Variants in CAPN10 observed in about 807,000 individuals in gnomAD.
CAPN10 encodes calpain-10.
A neutral mutation model predicts 78.4 loss-of-function variants in CAPN10; 71 were observed. The ratio of observed to expected loss-of-function variants is 0.91; its 90% CI spans 0.75 to 1.10. The LOEUF is 1.10. Ranked by LOEUF, CAPN10 falls within the 50% of genes least tolerant of loss-of-function variation. The pLI, the probability that CAPN10 is intolerant of heterozygous loss-of-function variation, is 0.00. For missense variants in CAPN10, 849 were observed against 924.6 expected (o/e 0.92, Z 1.06); for synonymous variants, 437 against 407.2 (o/e 1.07, Z -0.88).
At position 240,597,070 on chromosome 2, in the gene CAPN10, G is replaced by T. The variant is rs924719978; in HGVS notation, c.1743+128G>T. On this transcript the variant is annotated intron_variant, in intron 9 of 11. Transcript: ENST00000391984. ...TTGGGCTCCCCCTGCCCTTCGAGGC[G>T]CTGCCTAGAACCCGCACAGGGCCCT... 4 of 1,179,844 alleles carry T rather than the reference G, an allele frequency of 3.4e-6. No individual in the cohort carries two copies. In the Admixed American group the frequency reaches 8.1e-5, roughly 24 times the overall value. The allele number at this position is 1,179,844 out of a possible 1,614,324, so 73.1% of individuals were successfully genotyped here. A position where few individuals can be genotyped will look rare whatever the true frequency, so the allele number is the denominator to read the frequency against.
intron 4 of CAPN10, 152 bp from the exon 5 acceptor site, chr2:240,593,754 C>T: frequency 1.2e-6 from 1 of 846,356 alleles, no homozygotes; most frequent in Non-Finnish European, 1.8e-6. Context: ...GAAAGGAGCT[C>T]TCGTGGTCCA....
At position 240,596,508 on chromosome 2, in the gene CAPN10, C is replaced by T. The variant is rs1410643847; in HGVS notation, c.1468C>T (p.Arg490Ter). 3.7e-6 allele frequency: 6 copies of T among 1,608,124 alleles called. No individual in the cohort carries two copies. The highest frequency in any genetic ancestry group is 2.2e-5 in the East Asian group (1 of 44,704). ...EFLLRVFSTGRVSLSAIRAVA... is the reference protein window; with the variant it reads ...EFLLRVFSTG ...CCTGCTCCGAGTCTTCTCTACCGGG[C>T]GAGTCTCCCTTAGGTGAGAGGAACC... Residue 490 changes from arginine to a stop codon, truncating the protein, a stop_gained, in exon 8 of 12, where the codon CGA (arginine) becomes TGA (stop). Transcript: ENST00000391984. LOFTEE classifies it high-confidence loss of function.
rs200200867 is a variant in CAPN10 at position 240,597,968 on chromosome 2, C to T, written c.1824C>T (p.Tyr608=). 56 of 1,613,038 alleles carry T rather than the reference C, an allele frequency of 3.5e-5. No homozygotes were observed. Among genetic ancestry groups the T allele is most frequent in the South Asian group, 1.4e-4 (13 of 91,070 alleles). Residue 608 remains tyrosine, a synonymous_variant, in exon 10 of 12, where the codon TAC becomes TAT. Transcript: ENST00000391984. The part of the protein sequence containing the change: ...EPLLSCVPHR[Y]AQEVSRLCLL... ...TGCTGAGCTGCGTGCCACATCGCTA[C>T]GCCCAGGAGGTGAGCCGGCTCTGCC... is the stretch of plus-strand genomic sequence containing the variant.
chr2:240,587,359 C>G (rs1293752404), intron 1 of CAPN10, among the ~76,000 whole-genome samples: 1 of 152,248 alleles, frequency 6.6e-6, no homozygotes, highest in Admixed American at 6.5e-5. Flanking sequence ...CCCGCCCCAC[C>G]TGTTTGCTTT....
rs1298167787 is a variant in CAPN10 at position 240,592,080 on chromosome 2, G to A, written c.618G>A (p.Arg206=). 1 of 1,603,044 alleles carries A rather than the reference G, an allele frequency of 6.2e-7. No homozygotes were observed. The change falls in exon 4 of 12, where the codon AGG becomes AGA. Residue 206 remains arginine (R), a synonymous_variant. Transcript: ENST00000391984. ...QQDRPGRWEH[R]TCRQLLHLKD... ...ACAGGCCAGGCCGCTGGGAGCACAG[G>A]ACTTGTCGGCAGCTGCTCCACCTGA...
chr2:240,591,312 C>T, intron 3 of CAPN10: 1 of 357,762 alleles, frequency 2.8e-6, no homozygotes. Flanking sequence ...AAGAAAGATG[C>T]TTCTTTATAT....
chr2:240,594,616 T>C lies in CAPN10; in HGVS notation c.904T>C (p.Trp302Arg). The change falls in exon 6 of 12, where the codon TGG (tryptophan) becomes CGG (arginine). Residue 302 changes from tryptophan (W) to arginine (R), a missense_variant. By Grantham distance (101) the Trp-to-Arg change is moderately radical. Transcript: ENST00000391984. ...LLSQLQEGEF[W>R]VEEEEFLREF... The stretch of plus-strand genomic sequence containing the variant: ...GTCCCAGCTCCAGGAAGGGGAGTTC[T>C]GGGTGGAGGAGGAGGAGTTCCTCAG... 6.2e-7 allele frequency: 1 copy of C among 1,613,952 alleles called. No homozygotes were observed. The highest frequency in any genetic ancestry group is 2.2e-5 in the East Asian group (1 of 44,880).
chr2:240,590,956 C>G lies in CAPN10; in HGVS notation c.415C>G (p.Arg139Gly), dbSNP rs151024127. 3.8e-5 allele frequency: 61 copies of G among 1,614,226 alleles called. No individual in the cohort carries two copies. Among genetic ancestry groups the G allele is most frequent in the Non-Finnish European group, 5.0e-5 (59 of 1,180,044 alleles). Reference protein sequence around the residue: ...PCLAGRLCFSRCQREDVFWLP... With the variant: ...PCLAGRLCFSGCQREDVFWLP... Reference sequence around the variant, plus strand: ...CCTTGCAGGGAGACTCTGTTTCTCCCGCTGCCAGAGGGAGGATGTGTTCTG... The same window carrying G: ...CCTTGCAGGGAGACTCTGTTTCTCCGGCTGCCAGAGGGAGGATGTGTTCTG... Residue 139 changes from arginine to glycine, a missense_variant, in exon 3 of 12, where the codon CGC becomes GGC. By Grantham distance (125) the Arg-to-Gly change is moderately radical. Coordinates refer to ENST00000391984, the MANE Select transcript of CAPN10 (RefSeq NM_023083.4).
chr2:240,598,075 C>G lies in CAPN10; in HGVS notation c.1931C>G (p.Thr644Ser). 6.2e-7 allele frequency: 1 copy of G among 1,607,990 alleles called. No homozygotes were observed. The highest frequency in any genetic ancestry group is 8.5e-7 in the Non-Finnish European group (1 of 1,175,818). Residue 644 changes from threonine (T) to serine (S), a missense_variant, in exon 10 of 12, where the codon ACC becomes AGC. Thr to Ser is a moderately conservative substitution (Grantham distance 58). Coordinates refer to ENST00000391984, the MANE Select transcript of CAPN10 (RefSeq NM_023083.4). ...GGGGCCTTCACAGTGACCATCGCAACCAGGATTGACAGGTGGGGCTCTGGG... is the reference window on the plus strand; with the variant it reads ...GGGGCCTTCACAGTGACCATCGCAAGCAGGATTGACAGGTGGGGCTCTGGG... ...TEGAFTVTIA[T>S]RIDRPSIHSQ...
Position 240,586,918 on chromosome 2 carries a change from GC to G in CAPN10, c.8del (p.Ala3GlyfsTer63). ...GGAGCCCGCGGAGCCGAGGATGCGG[GC>G]GGGCCGGGGCGCGACGCCGGCGAGG... MR[A>X]GRGATPAREL... On this transcript the variant is annotated frameshift_variant, in exon 1 of 12. Coordinates refer to ENST00000391984, the MANE Select transcript of CAPN10 (RefSeq NM_023083.4). LOFTEE classifies it high-confidence loss of function. 7.0e-7 allele frequency: 1 copy of G among 1,429,368 alleles called. No individual in the cohort carries two copies. The highest frequency in any genetic ancestry group is 9.1e-7 in the Non-Finnish European group (1 of 1,093,724). 88.5% of individuals were successfully genotyped at this position (1,429,368 alleles called of 1,614,324 possible).
chr2:240,594,647 TTGACG>T lies in CAPN10; in HGVS notation c.936_940del (p.Phe312LeufsTer63). ...GAGGAGGAGGAGTTCCTCAGGGAGTTTGACGAGCTCACCGTTGGCTACCCGGTCAC... is the reference window on the plus strand; with the variant it reads ...GAGGAGGAGGAGTTCCTCAGGGAGTTAGCTCACCGTTGGCTACCCGGTCAC... On this transcript the variant is annotated frameshift_variant, in exon 6 of 12. Coordinates refer to ENST00000391984, the MANE Select transcript of CAPN10 (RefSeq NM_023083.4). LOFTEE classifies it high-confidence loss of function. The T allele has an allele frequency of 6.2e-7, 1 of 1,613,846 alleles. No homozygotes were observed. The highest frequency in any genetic ancestry group is 2.2e-5 in the East Asian group (1 of 44,872).
chr2:240,597,782 G>A, intron 9 of CAPN10, 106 bp from the exon 10 acceptor site: 1 of 968,742 alleles, frequency 1.0e-6, no homozygotes, highest in South Asian at 1.6e-5. Context: ...TCAGAGAAGG[G>A]GCTGTATGTG....
In CAPN10 at chr2:240,586,922, G is replaced by A. The variant is rs1325306857; in HGVS notation, c.11G>A (p.Gly4Asp). 6.9e-7 allele frequency: 1 copy of A among 1,441,318 alleles called. No individual in the cohort carries two copies. The highest frequency in any genetic ancestry group is 1.5e-5 in the African/African-American group (1 of 67,562). The allele number at this position is 1,441,318 out of a possible 1,614,324, so 89.3% of individuals were successfully genotyped here. ...CCCGCGGAGCCGAGGATGCGGGCGG[G>A]CCGGGGCGCGACGCCGGCGAGGGAG... Reference protein sequence around the residue: MRAGRGATPARELF... With the variant: MRADRGATPARELF... The change falls in exon 1 of 12, where the codon GGC becomes GAC. Residue 4 changes from glycine to aspartate, a missense_variant. Transcript: ENST00000391984.
chr2:240,591,098 C>A, intron 3 of CAPN10, 87 bp downstream of exon 3: 2 of 1,268,760 alleles, frequency 1.6e-6, no homozygotes, highest in South Asian at 1.4e-5. Flanking sequence ...TCTCTGCTCA[C>A]TCTGGGCTGC....
chr2:240,591,104 G>GCT, intron 3 of CAPN10, 93 bp downstream of exon 3: 1 of 1,170,824 alleles, frequency 8.5e-7, no homozygotes, highest in Non-Finnish European at 1.2e-6. Context: ...CTCACTCTGG[G>GCT]CTGCAGAGCC....
At chr2:240,589,265 A>G (rs2093086287) in intron 1 of CAPN10, 78 bp from the exon 2 acceptor site, 6 of 1,593,350 alleles carry the variant, frequency 3.8e-6, no homozygotes, top group Admixed American at 1.7e-5. Flanking sequence ...AACTCCTGTC[A>G]TCTAGAGCCT....
In CAPN10 at chr2:240,598,229, C is replaced by G. The variant is rs1448846703; in HGVS notation, c.1944-123C>G. On this transcript the variant is annotated intron_variant, in intron 10 of 11. Transcript: ENST00000391984. ...GGCAGACCAGGGCTGTCCTGCCTAC[C>G]TGGGGACCCTTCCTTGCTGGTCTGA... The G allele has an allele frequency of 8.5e-6, 12 of 1,414,744 alleles. No homozygotes were observed. In the Middle Eastern group the frequency reaches 5.3e-4, roughly 63 times the overall value. 87.6% of individuals were successfully genotyped at this position (1,414,744 alleles called of 1,614,324 possible). A position where few individuals can be genotyped will look rare whatever the true frequency, so the allele number is the denominator to read the frequency against.
intron 1 of CAPN10, among the ~76,000 whole-genome samples, chr2:240,587,823 A>G (rs2093077914): frequency 6.6e-6 from 1 of 152,216 alleles, no homozygotes; most frequent in Admixed American, 6.5e-5. Flanking sequence ...GATTGATTTT[A>G]GGTGCAGCTG....
At chr2:240,595,619 C>T (rs73001804) in intron 7 of CAPN10, among the ~76,000 whole-genome samples, 6,252 of 152,354 alleles carry the variant, frequency 0.041, 154 homozygotes, top group South Asian at 0.076. Flanking sequence ...CCGTGCCTTT[C>T]TGAGGCAAGG....
Sources: allele counts gnomAD v4.1 joint callset (sites outside exome capture counted in the v4.1 genomes callset), GRCh38; gene constraint gnomAD v4.1.1; transcripts MANE v1.5; gene names NCBI Gene and HGNC (gene_info 2026-07-23, HGNC 2026-07-21).